The following MAD1L1 variants were observed in gnomAD, a reference collection of about 807,000 sequenced individuals.
MAD1L1 encodes mitotic arrest deficient 1 like 1.
MAD1L1 carries 95 observed loss-of-function variants against 96.9 expected under a neutral mutation model. The ratio of observed to expected loss-of-function variants is 0.98; its 90% confidence interval spans 0.83 to 1.16. The LOEUF (loss-of-function observed/expected upper bound fraction) is 1.16. Ranked by LOEUF, MAD1L1 falls within the 50% of genes most tolerant of loss-of-function variation. The pLI is 0.00. For synonymous variants in MAD1L1, 473 were observed against 396.6 expected, an observed-to-expected ratio of 1.19 and a Z score of -2.29; for missense variants, 1,007 against 954.4, an observed-to-expected ratio of 1.06 and a Z score of -0.73.
At chr7:2,095,570 T>C (rs528425560) in intron 11 of MAD1L1, among the ~76,000 whole-genome samples, 28 of 152,160 alleles carry the variant, frequency 1.8e-4, no homozygotes, top group African/African-American at 4.3e-4. Context: ...AGAGGGGAGA[T>C]AGTGCGTGCT....
chr7:2,020,457 C>G (rs530117800), intron 12 of MAD1L1, among the ~76,000 whole-genome samples: 82 of 152,376 alleles, frequency 5.4e-4, no homozygotes, highest in African/African-American at 2.0e-3. Context: ...ACGCCATGGG[C>G]ACACGGCAGC....
At chr7:1,880,703 G>C (rs1347805978) in intron 18 of MAD1L1, among the ~76,000 whole-genome samples, 1 of 152,230 alleles carries the variant, frequency 6.6e-6, no homozygotes, top group Non-Finnish European at 1.5e-5. Context: ...GTACGGTGTG[G>C]TCAGCAGAAA....
intron 18 of MAD1L1, among the ~76,000 whole-genome samples, chr7:1,882,767 G>T (rs543977125): frequency 6.6e-6 from 1 of 152,208 alleles, no homozygotes; most frequent in Non-Finnish European, 1.5e-5. Context: ...CCACCGCTGG[G>T]GTCCACACCC....
chr7:1,850,100 T>C (rs978182712), intron 18 of MAD1L1, among the ~76,000 whole-genome samples: 4 of 152,196 alleles, frequency 2.6e-5, no homozygotes, highest in African/African-American at 4.8e-5. Context: ...GCGTTTGTTC[T>C]CACCACTCTC....
intron 10 of MAD1L1, among the ~76,000 whole-genome samples, chr7:2,186,792 C>CTT (rs111676405): frequency 2.8e-5 from 4 of 143,112 alleles, no homozygotes; most frequent in African/African-American, 5.1e-5. Flanking sequence ...TTTTCTTTTT[C>CTT]TTTTTTTTTT....
intron 16 of MAD1L1, among the ~76,000 whole-genome samples, chr7:1,943,700 T>C (rs1779103233): frequency 6.6e-6 from 1 of 151,288 alleles, no homozygotes; most frequent in Admixed American, 6.6e-5. Context: ...GGTGAAACGG[T>C]TACCATGTGA....
chr7:1,829,688 G>T lies in MAD1L1; in HGVS notation c.1999-13460C>A, dbSNP rs542583945. On this transcript the variant is annotated intron_variant, in intron 18 of 18. Coordinates refer to ENST00000265854, the MANE Select transcript of MAD1L1 (RefSeq NM_001013836.2). Reference sequence around the variant, plus strand: ...ATGTGTGGAAAAGTGTAAACTGAGAGATCTGAGAAGTTCAAAGAACCCCAA... The same window carrying T: ...ATGTGTGGAAAAGTGTAAACTGAGATATCTGAGAAGTTCAAAGAACCCCAA... 5 of 142,478 alleles carry T rather than the reference G, an allele frequency of 3.5e-5. No individual in the cohort carries two copies. The South Asian group carries it at 9.6e-4, about 27-fold the overall frequency. 8.8% of individuals were successfully genotyped at this position (142,478 alleles called of 1,614,324 possible). A position where few individuals can be genotyped will look rare whatever the true frequency, so the allele number is the denominator to read the frequency against.
intron 18 of MAD1L1, among the ~76,000 whole-genome samples, chr7:1,835,293 A>C (rs980366564): frequency 2.6e-5 from 4 of 152,216 alleles, no homozygotes; most frequent in African/African-American, 9.7e-5. Flanking sequence ...TGTATTCAGC[A>C]TCATCCTGAA....
chr7:1,979,091 C>T (rs1411258808), intron 15 of MAD1L1, among the ~76,000 whole-genome samples: 3 of 152,228 alleles, frequency 2.0e-5, no homozygotes, highest in Non-Finnish European at 4.4e-5. Context: ...TCTCGGCAAC[C>T]CTGAGAAAGA....
chr7:2,093,597 C>A (rs571970612), intron 11 of MAD1L1, among the ~76,000 whole-genome samples: 1 of 152,230 alleles, frequency 6.6e-6, no homozygotes, highest in African/African-American at 2.4e-5. Context: ...AAATAAAATG[C>A]TGACATCCCC....
chr7:1,979,971 G>A (rs906349894), intron 15 of MAD1L1, among the ~76,000 whole-genome samples: 1 of 152,230 alleles, frequency 6.6e-6, no homozygotes, highest in African/African-American at 2.4e-5. Flanking sequence ...CACCAGCAGA[G>A]ACGAGTGTCC....
At position 2,230,140 on chromosome 7, in the gene MAD1L1, T is replaced by C; in HGVS notation, c.-7A>G. On this transcript the variant is annotated 5_prime_UTR_variant, in exon 3 of 19. Transcript: ENST00000265854. The stretch of plus-strand genomic sequence containing the variant: ...TTTCCCCCAGGTCTTCCATGGTTGC[T>C]TTCCTTCCGGGGACAGACAAAGGAC... 4 of 1,583,750 alleles carry C rather than the reference T, an allele frequency of 2.5e-6. No homozygotes were observed. The highest frequency in any genetic ancestry group is 3.4e-6 in the Non-Finnish European group (4 of 1,164,300).
At chr7:1,918,659 T>C (rs764111563) in intron 17 of MAD1L1, among the ~76,000 whole-genome samples, 1 of 152,346 alleles carries the variant, frequency 6.6e-6, no homozygotes, top group South Asian at 2.1e-4. Context: ...ACCTAATTAA[T>C]GGTGCTGGCC....
chr7:1,874,746 T>G (rs1340371060), intron 18 of MAD1L1, among the ~76,000 whole-genome samples: 2 of 151,844 alleles, frequency 1.3e-5, no homozygotes, highest in African/African-American at 2.4e-5. Context: ...GCCTGGGCAC[T>G]TAGTGTACAC....
chr7:2,003,663 C>T (rs530848031), intron 13 of MAD1L1, among the ~76,000 whole-genome samples: 3 of 152,302 alleles, frequency 2.0e-5, no homozygotes, highest in Middle Eastern at 3.4e-3. Flanking sequence ...CATTGCCCAA[C>T]ACCCCTGTGC....
intron 11 of MAD1L1, among the ~76,000 whole-genome samples, chr7:2,131,788 G>A (rs1043894702): frequency 1.8e-4 from 27 of 152,184 alleles, no homozygotes; most frequent in African/African-American, 6.5e-4. Flanking sequence ...GCTCAGGCTG[G>A]GAAGGTCAGC....
intron 14 of MAD1L1, among the ~76,000 whole-genome samples, chr7:1,995,473 C>G (rs566235222): frequency 1.6e-4 from 24 of 152,302 alleles, no homozygotes; most frequent in African/African-American, 5.8e-4. Context: ...CCTGTGGCCA[C>G]ACAGCAAGAG....
chr7:1,935,306 T>A (rs1778527271), intron 17 of MAD1L1, among the ~76,000 whole-genome samples: 1 of 152,170 alleles, frequency 6.6e-6, no homozygotes, highest in Non-Finnish European at 1.5e-5. Flanking sequence ...ACAGCCACAG[T>A]GGAGACCGGG....
intron 16 of MAD1L1, among the ~76,000 whole-genome samples, chr7:1,951,371 C>T (rs2128471412): frequency 6.6e-6 from 1 of 152,328 alleles, no homozygotes; most frequent in South Asian, 2.1e-4. Flanking sequence ...GCGCCCTGCC[C>T]CTCCCGTCCG....
Sources: allele counts gnomAD v4.1 joint callset (sites outside exome capture counted in the v4.1 genomes callset), GRCh38; gene constraint gnomAD v4.1.1; transcripts MANE v1.5; gene names NCBI Gene and HGNC (gene_info 2026-07-23, HGNC 2026-07-21).